Variants in MSL2 observed in about 807,000 individuals in gnomAD.
MSL2 encodes MSL complex subunit 2, also known as E3 ubiquitin-protein ligase MSL2.
Under a neutral mutation model 35.8 loss-of-function variants are expected in MSL2, and 2 were observed. That is an observed-to-expected ratio of 0.06 (90% confidence interval 0.02 to 0.18). The LOEUF (loss-of-function observed/expected upper bound fraction) is 0.18, where lower values mean the gene tolerates loss of function less well. Among genes scored for constraint, MSL2 ranks in the 10% least tolerant of loss-of-function variants. MSL2 has a pLI of 1.00. For synonymous variants in MSL2, 296 were observed against 255.7 expected, an observed-to-expected ratio of 1.16 and a Z score of -1.50; for missense variants, 523 against 706.7, an observed-to-expected ratio of 0.74 and a Z score of 2.95.
At chr3:136,154,708 T>TGC (rs1226979415) in intron 1 of MSL2, among the ~76,000 whole-genome samples, 6 of 152,162 alleles carry the variant, frequency 3.9e-5, no homozygotes, top group African/African-American at 1.4e-4. Flanking sequence ...ATTTGGAGAA[T>TGC]GCAACTAAAG....
chr3:136,176,444 G>C (rs1940179822), intron 1 of MSL2, among the ~76,000 whole-genome samples: 1 of 150,344 alleles, frequency 6.7e-6, no homozygotes, highest in Non-Finnish European at 1.5e-5. Context: ...AAGCCCAGGA[G>C]GTTGAAGCTG....
At chr3:136,193,255 C>G (rs1940740476) in intron 1 of MSL2, among the ~76,000 whole-genome samples, 1 of 152,116 alleles carries the variant, frequency 6.6e-6, no homozygotes, top group African/African-American at 2.4e-5. Flanking sequence ...TTAATAGGAA[C>G]TTAAAACCTC....
intron 1 of MSL2, among the ~76,000 whole-genome samples, chr3:136,194,234 T>C (rs888418692): frequency 1.3e-5 from 2 of 152,238 alleles, no homozygotes; most frequent in African/African-American, 2.4e-5. Context: ...ACTTTTGAGA[T>C]ATTTTCCTTA....
intron 1 of MSL2, among the ~76,000 whole-genome samples, chr3:136,182,688 C>G (rs933766442): frequency 6.6e-6 from 1 of 151,438 alleles, no homozygotes; most frequent in African/African-American, 2.4e-5. Flanking sequence ...TGCACTCCAG[C>G]CTGGGAGACA....
At chr3:136,166,664 T>C (rs1461379269) in intron 1 of MSL2, among the ~76,000 whole-genome samples, 2 of 152,268 alleles carry the variant, frequency 1.3e-5, no homozygotes, top group African/African-American at 4.8e-5. Flanking sequence ...CAGTGTAAAT[T>C]TGAAGCAGCA....
At chr3:136,167,040 T>C (rs911377388) in intron 1 of MSL2, among the ~76,000 whole-genome samples, 52 of 152,136 alleles carry the variant, frequency 3.4e-4, no homozygotes, top group African/African-American at 1.3e-3. Flanking sequence ...ATTAAGTTTA[T>C]GGAAATGAGG....
intron 1 of MSL2, among the ~76,000 whole-genome samples, chr3:136,174,491 C>T (rs1314917536): frequency 6.6e-6 from 1 of 152,058 alleles, no homozygotes; most frequent in Non-Finnish European, 1.5e-5. Context: ...GAATAATTAG[C>T]CACAAGATAT....
chr3:136,192,176 CTTT>C (rs908275894), intron 1 of MSL2, among the ~76,000 whole-genome samples: 2 of 152,206 alleles, frequency 1.3e-5, no homozygotes, highest in East Asian at 3.9e-4. Context: ...AGAAAGATAA[CTTT>C]TTTATTTTTT....
chr3:136,157,013 T>C (rs1044450528), intron 1 of MSL2, among the ~76,000 whole-genome samples: 2 of 152,186 alleles, frequency 1.3e-5, no homozygotes, highest in African/African-American at 2.4e-5. Flanking sequence ...ACACTGTATA[T>C]ATGTGTATGC....
At chr3:136,188,111 C>CA (rs1940574337) in intron 1 of MSL2, among the ~76,000 whole-genome samples, 1 of 151,982 alleles carries the variant, frequency 6.6e-6, no homozygotes, top group Admixed American at 6.6e-5. Flanking sequence ...TTACACAAGC[C>CA]AAAGGTTTTC....
chr3:136,152,787 C>A, intron 1 of MSL2, 49 bp from the exon 2 acceptor site: 1 of 1,576,844 alleles, frequency 6.3e-7, no homozygotes, highest in Admixed American at 1.8e-5. Flanking sequence ...ATAAATTTAC[C>A]ATTTCATAAA....
Position 136,187,792 on chromosome 3 carries a change from C to T in MSL2, c.142+7180G>A, listed in dbSNP as rs78794418. Among the ~76,000 whole-genome samples, 9 of 152,168 alleles carry T rather than the reference C, an allele frequency of 5.9e-5. No homozygotes were observed. The East Asian group carries it at 9.7e-4, about 16-fold the overall frequency. On this transcript the variant is annotated intron_variant, in intron 1 of 1. Transcript: ENST00000309993. ...TATAACACTGATTTGCAAATCCTCT[C>T]ATCCCAATCAAGATAGGCAGTTAAA...
chr3:136,176,820 CTCCCTG>C (rs1255909530), intron 1 of MSL2, among the ~76,000 whole-genome samples: 6 of 152,186 alleles, frequency 3.9e-5, no homozygotes, highest in Non-Finnish European at 5.9e-5. Flanking sequence ...TGGCACCATA[CTCCCTG>C]TACAGCCTGC....
chr3:136,160,623 T>C (rs180958920), intron 1 of MSL2, among the ~76,000 whole-genome samples: 32 of 151,108 alleles, frequency 2.1e-4, no homozygotes, highest in African/African-American at 7.1e-4. Context: ...GGCAGGAGAA[T>C]CGCTTGAACT....
At chr3:136,177,680 TAAAAAAAAAAA>T (rs397738424) in intron 1 of MSL2, among the ~76,000 whole-genome samples, 5 of 78,502 alleles carry the variant, frequency 6.4e-5, no homozygotes, top group African/African-American at 1.1e-4. Flanking sequence ...CTCCGTCTCA[TAAAAAAAAAAA>T]AAAAAAAAAA....
chr3:136,171,797 A>T (rs1230556245), intron 1 of MSL2, among the ~76,000 whole-genome samples: 1 of 152,228 alleles, frequency 6.6e-6, no homozygotes, highest in Non-Finnish European at 1.5e-5. Context: ...GTGTATCAAA[A>T]GCCTTGCATT....
At chr3:136,167,551 A>C (rs76781081) in intron 1 of MSL2, among the ~76,000 whole-genome samples, 1 of 152,210 alleles carries the variant, frequency 6.6e-6, no homozygotes, top group Admixed American at 6.5e-5. Flanking sequence ...AATAACCTCA[A>C]ATAATGCAAA....
intron 1 of MSL2, among the ~76,000 whole-genome samples, chr3:136,183,714 A>G (rs1454629899): frequency 1.3e-5 from 2 of 152,256 alleles, no homozygotes; most frequent in Non-Finnish European, 2.9e-5. Flanking sequence ...AAACCTACCA[A>G]CAGAGCTTCA....
chr3:136,187,183 TA>T (rs1161015287), intron 1 of MSL2, among the ~76,000 whole-genome samples: 1 of 152,252 alleles, frequency 6.6e-6, no homozygotes, highest in Non-Finnish European at 1.5e-5. Flanking sequence ...ACATCTCATT[TA>T]ATCAATTTAT....
Sources: allele counts gnomAD v4.1 joint callset (sites outside exome capture counted in the v4.1 genomes callset), GRCh38; gene constraint gnomAD v4.1.1; transcripts MANE v1.5; gene names NCBI Gene and HGNC (gene_info 2026-07-23, HGNC 2026-07-21).